PLCB4: variants seen among roughly 807,000 people sequenced by gnomAD.
PLCB4 encodes phospholipase C beta 4.
A neutral mutation model predicts 178.8 loss-of-function variants in PLCB4; 77 were observed. The ratio of observed to expected loss-of-function variants is 0.43; its 90% CI spans 0.36 to 0.52. The LOEUF is 0.52. PLCB4 is among the 20% of genes least tolerant of loss of function. The pLI, the probability that PLCB4 is intolerant of heterozygous loss-of-function variation, is 0.00. For synonymous variants in PLCB4, 496 were observed against 490.8 expected, an observed-to-expected ratio of 1.01 and a Z score of -0.14; for missense variants, 1,024 against 1,453.4, an observed-to-expected ratio of 0.70 and a Z score of 4.80.
At chr20:9,297,159 C>CG (rs970764875) in intron 3 of PLCB4, among the ~76,000 whole-genome samples, 1 of 145,680 alleles carries the variant, frequency 6.9e-6, no homozygotes, top group African/African-American at 2.7e-5. Flanking sequence ...TAGCCCGCAC[C>CG]CCCCCCCACA....
Position 9,408,006 on chromosome 20 carries a change from A to G in PLCB4, c.1737A>G (p.Thr579=). ...CTAATATCCATCCATATTTGTCCAC[A>G]ATGATCAACTACGCCCAGCCTGTAA... The part of the protein sequence containing the change: ...ATTNIHPYLS[T]MINYAQPVKF... Residue 579 remains threonine (T), a synonymous_variant, in exon 22 of 40, where the codon ACA becomes ACG. Coordinates refer to ENST00000378473, the MANE Select transcript of PLCB4 (RefSeq NM_001377142.1). The G allele has an allele frequency of 6.2e-7, 1 of 1,613,742 alleles. No homozygotes were observed. The highest frequency in any genetic ancestry group is 8.5e-7 in the Non-Finnish European group (1 of 1,179,606).
chr20:9,315,030 C>A (rs866166839), intron 4 of PLCB4, among the ~76,000 whole-genome samples: 2 of 152,244 alleles, frequency 1.3e-5, no homozygotes, highest in African/African-American at 2.4e-5. Flanking sequence ...TGCCACCATG[C>A]CCGGCTAACT....
chr20:9,438,103 A>T lies in PLCB4; in HGVS notation c.2764+951A>T, dbSNP rs567116658. The stretch of plus-strand genomic sequence containing the variant: ...AGCTTGAGGCCAGGTGCAGTGGCTC[A>T]TGCCTGTAATCCCAGCACTTTGAGA... On this transcript the variant is annotated intron_variant, in intron 30 of 39. Coordinates refer to ENST00000378473, the MANE Select transcript of PLCB4 (RefSeq NM_001377142.1). Among the ~76,000 whole-genome samples the T allele has an allele frequency of 2.0e-5, 3 of 152,352 alleles. No individual in the cohort carries two copies. The East Asian group carries it at 5.8e-4, about 29-fold the overall frequency.
At position 9,082,150 on chromosome 20, in the gene PLCB4, G is replaced by A. The variant is rs573499261; in HGVS notation, c.-135+12944G>A. Among the ~76,000 whole-genome samples the A allele has an allele frequency of 2.6e-5, 4 of 152,118 alleles. No individual in the cohort carries two copies. The South Asian group carries it at 6.2e-4, about 24-fold the overall frequency. On this transcript the variant is annotated intron_variant, in intron 1 of 39. Transcript: ENST00000378473. ...ATTTCAAACTTGGTTGGAAATTTAG[G>A]AACAAAATAATTTATTTAATCAGAT... is the stretch of plus-strand genomic sequence containing the variant.
chr20:9,270,251 T>C (rs2094389855), intron 3 of PLCB4, among the ~76,000 whole-genome samples: 1 of 152,186 alleles, frequency 6.6e-6, no homozygotes, highest in South Asian at 2.1e-4. Context: ...GACAAATTCA[T>C]TGAATCATGT....
At chr20:9,112,644 A>G (rs2091622714) in intron 2 of PLCB4, among the ~76,000 whole-genome samples, 1 of 152,262 alleles carries the variant, frequency 6.6e-6, no homozygotes, top group Admixed American at 6.5e-5. Context: ...ATTATAAAAA[A>G]CTTTGTAAAG....
chr20:9,354,728 C>T (rs1336877520), intron 7 of PLCB4, among the ~76,000 whole-genome samples: 2 of 152,172 alleles, frequency 1.3e-5, no homozygotes, highest in African/African-American at 4.8e-5. Context: ...TCCTTGTGAG[C>T]CTAGGGCACA....
chr20:9,372,332 T>C lies in PLCB4; in HGVS notation c.615T>C (p.Ser205=), dbSNP rs552420945. The C allele has an allele frequency of 6.3e-7, 1 of 1,596,516 alleles. No individual in the cohort carries two copies. Among genetic ancestry groups the C allele is most frequent in the African/African-American group, 1.3e-5 (1 of 74,602 alleles). Residue 205 remains serine, a synonymous_variant, in exon 11 of 40, where the codon TCT becomes TCC. Transcript: ENST00000378473. ...KNDEIEPTAF[S]YEKFYELTQK... The stretch of plus-strand genomic sequence containing the variant: ...ATGAAATTGAGCCCACAGCATTTTC[T>C]TATGAAAAGTTCTATGAACTGACAC...
At chr20:9,176,109 A>G (rs903386974) in intron 2 of PLCB4, among the ~76,000 whole-genome samples, 2 of 152,286 alleles carry the variant, frequency 1.3e-5, no homozygotes, top group South Asian at 2.1e-4. Flanking sequence ...TACAAATGGA[A>G]CTATGTATTC....
At chr20:9,363,590 G>A (rs1285748648) in intron 8 of PLCB4, among the ~76,000 whole-genome samples, 1 of 152,188 alleles carries the variant, frequency 6.6e-6, no homozygotes, top group Non-Finnish European at 1.5e-5. Context: ...GAAATCCAGA[G>A]GAGTACTACA....
intron 25 of PLCB4, among the ~76,000 whole-genome samples, chr20:9,413,127 C>G (rs2039972835): frequency 1.3e-5 from 2 of 152,202 alleles, no homozygotes; most frequent in Non-Finnish European, 2.9e-5. Context: ...TCAGCCTCAG[C>G]ACTCCTGGCT....
chr20:9,101,846 CTT>C (rs112396041), intron 2 of PLCB4, among the ~76,000 whole-genome samples: 17 of 135,746 alleles, frequency 1.3e-4, no homozygotes, highest in Admixed American at 2.2e-4. Flanking sequence ...TGTAAATCAG[CTT>C]TTTTTTTTTT....
chr20:9,121,444 C>T (rs1269160485), intron 2 of PLCB4, among the ~76,000 whole-genome samples: 1 of 152,138 alleles, frequency 6.6e-6, no homozygotes, highest in Admixed American at 6.5e-5. Flanking sequence ...TCTGAGTTGT[C>T]CATTCTCCAC....
At chr20:9,183,233 C>A (rs1034823793) in intron 2 of PLCB4, among the ~76,000 whole-genome samples, 1 of 152,066 alleles carries the variant, frequency 6.6e-6, no homozygotes, top group African/African-American at 2.4e-5. Context: ...GGTGTCCCAG[C>A]CAAGGTACCC....
chr20:9,104,800 C>T (rs952049647), intron 2 of PLCB4, among the ~76,000 whole-genome samples: 3 of 152,060 alleles, frequency 2.0e-5, no homozygotes, highest in Admixed American at 2.0e-4. Flanking sequence ...AATGCTACCA[C>T]TCACATGAAG....
At chr20:9,229,324 G>C (rs2093905284) in intron 3 of PLCB4, among the ~76,000 whole-genome samples, 1 of 152,098 alleles carries the variant, frequency 6.6e-6, no homozygotes, top group Admixed American at 6.6e-5. Context: ...TGTGCTTTCA[G>C]ATCTATCACA....
intron 2 of PLCB4, among the ~76,000 whole-genome samples, chr20:9,143,106 T>G (rs1338816038): frequency 6.6e-6 from 1 of 152,182 alleles, no homozygotes; most frequent in East Asian, 1.9e-4. Context: ...AATTGGGGCC[T>G]TTCTTTTAGT....
chr20:9,182,726 A>AC (rs1319515390), intron 2 of PLCB4, among the ~76,000 whole-genome samples: 2 of 152,122 alleles, frequency 1.3e-5, no homozygotes, highest in African/African-American at 4.8e-5. Context: ...TAGTTGGGTC[A>AC]CCCAGTGCTG....
At chr20:9,437,326 T>C in intron 30 of PLCB4, among the ~76,000 whole-genome samples, 174 bp downstream of exon 30, 1 of 152,234 alleles carries the variant, frequency 6.6e-6, no homozygotes, top group South Asian at 2.1e-4. Flanking sequence ...CCATAGGTAG[T>C]TACCTGGACA....
Sources: gnomAD v4.1 joint callset for allele counts (sites outside exome capture counted in the v4.1 genomes callset) on GRCh38, gnomAD v4.1.1 for gene constraint, MANE v1.5 for transcripts, NCBI Gene and HGNC (gene_info 2026-07-23, HGNC 2026-07-21) for gene names.